NAPB: variants seen among roughly 807,000 people sequenced by gnomAD.
NAPB encodes the protein beta-soluble NSF attachment protein.
NAPB carries 26 observed loss-of-function variants against 44.7 expected under a neutral mutation model. The ratio of observed to expected loss-of-function variants is 0.58; its 90% confidence interval spans 0.43 to 0.81. NAPB has a LOEUF of 0.81. NAPB is among the 30% of genes least tolerant of loss of function. The probability of loss-of-function intolerance (pLI) is 0.00; values close to 1 mark genes in which losing one functional copy is unlikely to be tolerated. For missense variants in NAPB, 315 were observed against 356.4 expected, an observed-to-expected ratio of 0.88 and a Z score of 0.94; for synonymous variants, 120 against 116.8, an observed-to-expected ratio of 1.03 and a Z score of -0.18.
chr20:23,397,461 A>G (rs2249943), intron 2 of NAPB, among the ~76,000 whole-genome samples: 37,911 of 152,200 alleles, frequency 0.25, 5,415 homozygotes, highest in Middle Eastern at 0.36. Context: ...TGTCCATTCA[A>G]TACCAGTAGC....
chr20:23,392,145 G>C (rs1293753058), intron 5 of NAPB, among the ~76,000 whole-genome samples: 1 of 152,030 alleles, frequency 6.6e-6, no homozygotes, highest in Non-Finnish European at 1.5e-5. Context: ...GATGGTGAGC[G>C]GAACAGTCAT....
At chr20:23,396,469 G>T (rs970098379) in intron 3 of NAPB, among the ~76,000 whole-genome samples, 1 of 152,206 alleles carries the variant, frequency 6.6e-6, no homozygotes, top group Non-Finnish European at 1.5e-5. Context: ...CGCTGTGCAC[G>T]CGTGTGGAAG....
chr20:23,394,481 A>C (rs1984204869), intron 5 of NAPB, among the ~76,000 whole-genome samples: 1 of 152,192 alleles, frequency 6.6e-6, no homozygotes, highest in African/African-American at 2.4e-5. Flanking sequence ...GTCAGCAGGC[A>C]GGTGGATACA....
chr20:23,385,486 G>C (rs780358130), intron 7 of NAPB, among the ~76,000 whole-genome samples: 3 of 152,114 alleles, frequency 2.0e-5, no homozygotes, highest in African/African-American at 4.8e-5. Context: ...AAGGCCAATC[G>C]CAGTGGCTCA....
Position 23,421,325 on chromosome 20 carries a change from G to A in NAPB, c.78C>T (p.Ser26=). ...EAEKRVKASH[S]FLRGLFGGNT... The stretch of plus-strand genomic sequence containing the variant: ...CTCACCCAAACAGCCCTCGGAGGAA[G>A]GAGTGGGAGGCCTTGACTCGCTTCT... The change falls in exon 1 of 11, where the codon TCC becomes TCT. Residue 26 remains serine (S), a synonymous_variant. Transcript: ENST00000377026. 1 of 1,563,652 alleles carries A rather than the reference G, an allele frequency of 6.4e-7. No individual in the cohort carries two copies. Among genetic ancestry groups the A allele is most frequent in the African/African-American group, 1.4e-5 (1 of 73,478 alleles).
rs1342627164 is a variant in NAPB, at chr20:23,374,807, CTG to C, written c.*2567_*2568del. On this transcript the variant is annotated 3_prime_UTR_variant, in exon 11 of 11. Transcript: ENST00000377026. ...GTGACGCCACCACACACGGTCACGACTGTGCAAAAATACTGCTTTCAAATCAT... is the reference window on the plus strand; with the variant it reads ...GTGACGCCACCACACACGGTCACGACTGCAAAAATACTGCTTTCAAATCAT... The C allele has an allele frequency of 2.2e-5, 3 of 138,226 alleles. No individual in the cohort carries two copies. Among genetic ancestry groups the C allele is most frequent in the South Asian group, 4.5e-4 (2 of 4,440 alleles). 8.6% of individuals were successfully genotyped at this position (138,226 alleles called of 1,614,324 possible).
In NAPB at chr20:23,421,351, C is replaced by A. The variant is rs868721989; in HGVS notation, c.52G>T (p.Glu18Ter). ...GAGTGGGAGGCCTTGACTCGCTTCT[C>A]GGCCTCCGCCATCAGCTGTACTGCC... Reference protein sequence around the residue: ...REAVQLMAEAEKRVKASHSFL... With the variant: ...REAVQLMAEA Residue 18 changes from glutamate (E) to a stop codon, truncating the protein, a stop_gained, in exon 1 of 11, where the codon GAG becomes TAG. Transcript: ENST00000377026. LOFTEE classifies it high-confidence loss of function. 1.9e-6 allele frequency: 3 copies of A among 1,563,066 alleles called. No homozygotes were observed. The highest frequency in any genetic ancestry group is 2.6e-6 in the Non-Finnish European group (3 of 1,153,632).
chr20:23,411,017 A>G (rs1238206513), intron 1 of NAPB, among the ~76,000 whole-genome samples: 4 of 152,206 alleles, frequency 2.6e-5, no homozygotes, highest in Non-Finnish European at 5.9e-5. Context: ...ACTGACAATA[A>G]GGAAAACTAT....
chr20:23,400,479 G>A (rs1400671145), intron 2 of NAPB, among the ~76,000 whole-genome samples: 1 of 152,078 alleles, frequency 6.6e-6, no homozygotes, highest in Non-Finnish European at 1.5e-5. Context: ...TCGCACCACT[G>A]CATTCTAGCC....
chr20:23,378,394 T>C (rs1178434242), intron 10 of NAPB, among the ~76,000 whole-genome samples: 1 of 150,212 alleles, frequency 6.7e-6, no homozygotes, highest in Non-Finnish European at 1.5e-5. Context: ...AAACAAAAAG[T>C]ATAAAGAAAA....
At chr20:23,398,839 T>C (rs551256839) in intron 2 of NAPB, among the ~76,000 whole-genome samples, 500 of 147,902 alleles carry the variant, frequency 3.4e-3, no homozygotes, top group African/African-American at 0.012. Context: ...GCAAGACTCT[T>C]GTCTCAAAAA....
chr20:23,390,799 T>C (rs1299371545), intron 5 of NAPB, among the ~76,000 whole-genome samples: 1 of 152,212 alleles, frequency 6.6e-6, no homozygotes, highest in Admixed American at 6.5e-5. Flanking sequence ...ACTGGATTGT[T>C]AGAGAGCTAT....
intron 7 of NAPB, among the ~76,000 whole-genome samples, chr20:23,383,629 C>T (rs1447818776): frequency 5.9e-5 from 9 of 152,140 alleles, no homozygotes; most frequent in East Asian, 1.9e-4. Context: ...AAAATCAAAA[C>T]GTTTCCAGAT....
chr20:23,403,203 A>G, intron 1 of NAPB, 131 bp from the exon 2 acceptor site: 1 of 680,172 alleles, frequency 1.5e-6, no homozygotes, highest in South Asian at 1.9e-5. Context: ...ACCTCTATTT[A>G]AAGGAGATAC....
intron 7 of NAPB, among the ~76,000 whole-genome samples, chr20:23,384,456 C>T (rs1430828421): frequency 1.3e-5 from 2 of 151,694 alleles, no homozygotes; most frequent in African/African-American, 2.4e-5. Context: ...AAAACCCCAT[C>T]GCTACAAAAA....
intron 1 of NAPB, among the ~76,000 whole-genome samples, chr20:23,408,423 A>G (rs1308551741): frequency 6.6e-6 from 1 of 152,222 alleles, no homozygotes; most frequent in Non-Finnish European, 1.5e-5. Flanking sequence ...TTTCCCATGT[A>G]TGCCTCAAAA....
intron 1 of NAPB, among the ~76,000 whole-genome samples, chr20:23,420,991 G>A (rs896329092): frequency 6.6e-6 from 1 of 151,210 alleles, no homozygotes; most frequent in Non-Finnish European, 1.5e-5. Context: ...AGTTCTGCCG[G>A]CCCTAGGGGG....
At chr20:23,386,459 T>C (rs903860592) in intron 7 of NAPB, among the ~76,000 whole-genome samples, 5 of 152,352 alleles carry the variant, frequency 3.3e-5, no homozygotes, top group South Asian at 2.1e-4. Context: ...CAGAATTACC[T>C]TGATTCCAAA....
Position 23,394,906 on chromosome 20 carries a change from T to C in NAPB, c.420+16A>G, listed in dbSNP as rs370089088. On this transcript the variant is annotated intron_variant, in intron 5 of 10. Coordinates refer to ENST00000377026, the MANE Select transcript of NAPB (RefSeq NM_022080.3). ...TCTGCCTGCTTCACATCTGAGGAAG[T>C]GTGCCCACTGCTTACCTTCTCAATG... 2.7e-4 allele frequency: 428 copies of C among 1,610,982 alleles called. 1 individual carries two copies. Among genetic ancestry groups the C allele is most frequent in the Non-Finnish European group, 3.5e-4 (407 of 1,177,250 alleles).
Sources: gnomAD v4.1 joint callset for allele counts (sites outside exome capture counted in the v4.1 genomes callset) on GRCh38, gnomAD v4.1.1 for gene constraint, MANE v1.5 for transcripts, NCBI Gene and HGNC (gene_info 2026-07-23, HGNC 2026-07-21) for gene names.